The following PLCL2 variants were observed in gnomAD, a reference collection of about 807,000 sequenced individuals.
PLCL2 encodes the protein phospholipase C like 2.
Under a neutral mutation model 79.6 loss-of-function variants are expected in PLCL2, and 4 were observed. The ratio of observed to expected loss-of-function variants is 0.05; its 90% CI spans 0.02 to 0.11. The LOEUF (loss-of-function observed/expected upper bound fraction) is 0.11, where lower values mean the gene tolerates loss of function less well. PLCL2 is among the 10% of genes least tolerant of loss of function. The probability of loss-of-function intolerance (pLI) is 1.00; values close to 1 mark genes in which losing one functional copy is unlikely to be tolerated. For synonymous variants in PLCL2, 484 were observed against 457.7 expected, an observed-to-expected ratio of 1.06 and a Z score of -0.73; for missense variants, 895 against 1,291.0, an observed-to-expected ratio of 0.69 and a Z score of 4.70.
intron 4 of PLCL2, among the ~76,000 whole-genome samples, chr3:17,046,538 C>G (rs1322411190): frequency 1.3e-5 from 2 of 152,096 alleles, no homozygotes; most frequent in Non-Finnish European, 2.9e-5. Context: ...ATAAATTGTT[C>G]TCTGGAGGAG....
At chr3:16,919,825 G>T (rs1209541205) in intron 1 of PLCL2, among the ~76,000 whole-genome samples, 1 of 151,972 alleles carries the variant, frequency 6.6e-6, no homozygotes. Context: ...GTTCTTCTTG[G>T]GAATCCTCAT....
intron 3 of PLCL2, among the ~76,000 whole-genome samples, chr3:17,033,046 G>A (rs1242334656): frequency 6.6e-6 from 1 of 152,108 alleles, no homozygotes; most frequent in African/African-American, 2.4e-5. Context: ...TTATTTTATA[G>A]GATTTTATCT....
At chr3:16,934,190 T>C (rs1697482714) in intron 1 of PLCL2, among the ~76,000 whole-genome samples, 1 of 152,174 alleles carries the variant, frequency 6.6e-6, no homozygotes, top group Non-Finnish European at 1.5e-5. Flanking sequence ...GAGACACCTG[T>C]AAACTGATGA....
chr3:16,905,458 ATG>A (rs1696728955), intron 1 of PLCL2, among the ~76,000 whole-genome samples: 1 of 152,222 alleles, frequency 6.6e-6, no homozygotes, highest in Non-Finnish European at 1.5e-5. Flanking sequence ...TTAGTATAAA[ATG>A]TACTTTCTTT....
chr3:17,086,735 T>C (rs1351533270), intron 5 of PLCL2, among the ~76,000 whole-genome samples: 1 of 151,988 alleles, frequency 6.6e-6, no homozygotes, highest in Non-Finnish European at 1.5e-5. Flanking sequence ...AACTCAACAG[T>C]AAGGAAACAA....
intron 1 of PLCL2, among the ~76,000 whole-genome samples, chr3:16,954,281 G>T (rs1392293555): frequency 2.6e-5 from 4 of 152,052 alleles, no homozygotes; most frequent in Non-Finnish European, 4.4e-5. Flanking sequence ...GCGGTGTTTG[G>T]TTTTTTGTCC....
At chr3:16,898,342 C>T (rs1303358358) in intron 1 of PLCL2, among the ~76,000 whole-genome samples, 2 of 151,712 alleles carry the variant, frequency 1.3e-5, no homozygotes, top group Non-Finnish European at 2.9e-5. Context: ...GTAATATTTA[C>T]CAAGTGAAGA....
intron 3 of PLCL2, among the ~76,000 whole-genome samples, chr3:17,017,907 C>T (rs576657638): frequency 4.6e-5 from 7 of 152,156 alleles, no homozygotes; most frequent in South Asian, 4.2e-4. Context: ...TAATGGCTGC[C>T]GTGATTACTA....
At position 17,059,672 on chromosome 3, in the gene PLCL2, G is replaced by A. The variant is rs1393608860; in HGVS notation, c.3095-8284G>A. Among the ~76,000 whole-genome samples the A allele has an allele frequency of 3.3e-5, 5 of 152,176 alleles. No individual in the cohort carries two copies. In the South Asian group the frequency reaches 8.3e-4, roughly 25 times the overall value. ...TTTAAAGAGGCAGGGAGAATATGCC[G>A]TTTGTGCTGTGTGTGCATCTCTCTG... On this transcript the variant is annotated intron_variant, in intron 4 of 5. Transcript: ENST00000615277.
At position 16,956,162 on chromosome 3, in the gene PLCL2, G is replaced by A. The variant is rs1476811392; in HGVS notation, c.328-53512G>A. On this transcript the variant is annotated intron_variant, in intron 1 of 5. Coordinates refer to ENST00000615277, the MANE Select transcript of PLCL2 (RefSeq NM_001144382.2). Reference sequence around the variant, plus strand: ...CCCATTCAGTATGATATTGGCTGTGGGTTTGTCATAAATAGCTCTTATTAT... The same window carrying A: ...CCCATTCAGTATGATATTGGCTGTGAGTTTGTCATAAATAGCTCTTATTAT... 1.2e-3 allele frequency among the ~76,000 whole-genome samples: 174 copies of A among 140,688 alleles called. 1 individual carries two copies. The highest frequency in any genetic ancestry group is 7.3e-3 in the Middle Eastern group (2 of 274). 92.3% of individuals were successfully genotyped at this position (140,688 alleles called of 152,430 possible).
At chr3:17,025,868 A>G (rs2064512294) in intron 3 of PLCL2, among the ~76,000 whole-genome samples, 1 of 152,138 alleles carries the variant, frequency 6.6e-6, no homozygotes, top group African/African-American at 2.4e-5. Context: ...GATACAATTC[A>G]GCATTGCCTC....
intron 1 of PLCL2, among the ~76,000 whole-genome samples, chr3:16,929,376 A>G (rs1290594156): frequency 6.6e-6 from 1 of 152,198 alleles, no homozygotes; most frequent in East Asian, 1.9e-4. Flanking sequence ...AAAGGCAAGA[A>G]AAGAGGTTTC....
chr3:16,972,264 T>C (rs2063877400), intron 1 of PLCL2, among the ~76,000 whole-genome samples: 1 of 152,128 alleles, frequency 6.6e-6, no homozygotes, highest in African/African-American at 2.4e-5. Flanking sequence ...ATGACATGAT[T>C]GTATATCTCG....
intron 1 of PLCL2, among the ~76,000 whole-genome samples, chr3:16,968,912 G>A (rs1411976638): frequency 6.6e-6 from 1 of 152,026 alleles, no homozygotes; most frequent in Non-Finnish European, 1.5e-5. Flanking sequence ...ATTATTTTGA[G>A]GTATATTCTT....
Position 16,931,788 on chromosome 3 carries a change from G to C in PLCL2, c.327+46422G>C, listed in dbSNP as rs114296282. Among the ~76,000 whole-genome samples, 659 of 152,238 alleles carry C rather than the reference G, an allele frequency of 4.3e-3. 2 individuals carry two copies. The highest frequency in any genetic ancestry group is 0.014 in the African/African-American group (593 of 41,530). ...ACTTGATGAGATGTTGGATATGAAA[G>C]CATCTTGTATAGGTAAGACACTAAG... On this transcript the variant is annotated intron_variant, in intron 1 of 5. Coordinates refer to ENST00000615277, the MANE Select transcript of PLCL2 (RefSeq NM_001144382.2).
chr3:16,909,227 G>T (rs1409092215), intron 1 of PLCL2, among the ~76,000 whole-genome samples: 1 of 152,148 alleles, frequency 6.6e-6, no homozygotes, highest in African/African-American at 2.4e-5. Context: ...TCTTGGTGTG[G>T]TAACTTAAAA....
intron 3 of PLCL2, 51 bp downstream of exon 3, chr3:17,014,962 A>G: frequency 7.1e-7 from 1 of 1,412,102 alleles, no homozygotes; most frequent in Non-Finnish European, 1.0e-6. Flanking sequence ...AGATATCCTA[A>G]GACAACACAG....
At chr3:17,067,859 G>T in intron 4 of PLCL2, 97 bp from the exon 5 acceptor site, 1 of 622,264 alleles carries the variant, frequency 1.6e-6, no homozygotes, top group East Asian at 2.9e-5. Context: ...CTGGAGGTTG[G>T]AATCATTTTA....
intron 5 of PLCL2, among the ~76,000 whole-genome samples, chr3:17,069,277 T>G (rs569757827): frequency 6.6e-6 from 1 of 152,298 alleles, no homozygotes; most frequent in East Asian, 1.9e-4. Flanking sequence ...TAAATGATTC[T>G]CTTTGGGAAC....
Sources: allele counts gnomAD v4.1 joint callset (sites outside exome capture counted in the v4.1 genomes callset), GRCh38; gene constraint gnomAD v4.1.1; transcripts MANE v1.5; gene names NCBI Gene and HGNC (gene_info 2026-07-23, HGNC 2026-07-21).